Variants in IMPG2 observed in about 807,000 individuals in gnomAD.
IMPG2 encodes the protein IPM 200.
A neutral mutation model predicts 129.2 loss-of-function variants in IMPG2; 91 were observed. That is an observed-to-expected ratio of 0.70 (90% CI 0.59 to 0.84). The LOEUF is 0.84. Ranked by LOEUF, IMPG2 falls within the 40% of genes least tolerant of loss-of-function variation. The pLI is 0.00. For synonymous variants in IMPG2, 510 were observed against 517.7 expected (o/e 0.99, Z 0.20); for missense variants, 1,430 against 1,461.7 (o/e 0.98, Z 0.35).
intron 18 of IMPG2, among the ~76,000 whole-genome samples, chr3:101,227,631 T>G (rs563660363): frequency 5.9e-5 from 9 of 152,224 alleles, no homozygotes; most frequent in Non-Finnish European, 1.0e-4. Context: ...ATCTGCTGGC[T>G]GAAGATGCAG....
chr3:101,305,910 T>C (rs1707184569), intron 2 of IMPG2, among the ~76,000 whole-genome samples: 1 of 152,090 alleles, frequency 6.6e-6, no homozygotes, highest in African/African-American at 2.4e-5. Context: ...TACATCAGGA[T>C]GGAAGGGAAA....
At chr3:101,239,804 C>A (rs999394282) in intron 14 of IMPG2, among the ~76,000 whole-genome samples, 4 of 152,140 alleles carry the variant, frequency 2.6e-5, no homozygotes, top group Non-Finnish European at 5.9e-5. Flanking sequence ...TTATTCTCAG[C>A]GAACTAACAC....
rs540496106 is a variant in IMPG2, at chr3:101,242,964, A to G, written c.2803-57T>C. The stretch of plus-strand genomic sequence containing the variant: ...CAGCGTGTCACATTTTGTTCAATAC[A>G]TACCCAAACAAAACAAAACAAAAAC... On this transcript the variant is annotated intron_variant, in intron 13 of 18. Coordinates refer to ENST00000193391, the MANE Select transcript of IMPG2 (RefSeq NM_016247.4). 128 of 1,404,506 alleles carry G rather than the reference A, an allele frequency of 9.1e-5. 1 individual carries two copies. In the South Asian group the frequency reaches 1.4e-3, roughly 16 times the overall value. The allele number at this position is 1,404,506 out of a possible 1,614,324, so 87.0% of individuals were successfully genotyped here. A position where few individuals can be genotyped will look rare whatever the true frequency, so the allele number is the denominator to read the frequency against.
At chr3:101,237,828 C>T (rs1706363373) in intron 14 of IMPG2, among the ~76,000 whole-genome samples, 3 of 152,058 alleles carry the variant, frequency 2.0e-5, no homozygotes, top group African/African-American at 7.2e-5. Flanking sequence ...CAAAGAATCA[C>T]AACTCCTTGC....
intron 14 of IMPG2, among the ~76,000 whole-genome samples, chr3:101,235,043 C>T (rs1169810800): frequency 6.6e-6 from 1 of 152,158 alleles, no homozygotes. Flanking sequence ...ATACCTTATA[C>T]ACATAGACTG....
Position 101,237,804 on chromosome 3 carries a change from T to A in IMPG2, c.3023-4813A>T, listed in dbSNP as rs543953291. Among the ~76,000 whole-genome samples, 5 of 152,140 alleles carry A rather than the reference T, an allele frequency of 3.3e-5. No homozygotes were observed. The East Asian group carries it at 9.7e-4, about 30-fold the overall frequency. On this transcript the variant is annotated intron_variant, in intron 14 of 18. Transcript: ENST00000193391. ...AGGCTGAAAATTCCAAAAACGAGAA[T>A]GCCTCTTCTTCCACAAAGAATCACA...
At position 101,232,922 on chromosome 3, in the gene IMPG2, C is replaced by G; in HGVS notation, c.3092G>C (p.Ser1031Thr). The G allele has an allele frequency of 6.2e-7, 1 of 1,614,016 alleles. No homozygotes were observed. Among genetic ancestry groups the G allele is most frequent in the Non-Finnish European group, 8.5e-7 (1 of 1,180,014 alleles). ...EFSECLVNPW[S>T]GEAKCRCFPG... ...GAAGCATCTGCACTTTGCTTCTCCA[C>G]TCCAGGGGTTGACCAGACACTCTGA... Residue 1031 changes from serine to threonine, a missense_variant, in exon 15 of 19, where the codon AGT (serine) becomes ACT (threonine). Ser to Thr is a moderately conservative substitution (Grantham distance 58). Coordinates refer to ENST00000193391, the MANE Select transcript of IMPG2 (RefSeq NM_016247.4).
chr3:101,284,741 A>C (rs939523669), intron 4 of IMPG2, among the ~76,000 whole-genome samples: 2 of 152,182 alleles, frequency 1.3e-5, no homozygotes, highest in Non-Finnish European at 2.9e-5. Context: ...ATGCACTTCC[A>C]ATGCCATCTG....
Position 101,231,059 on chromosome 3 carries a change from G to A in IMPG2, c.3320C>T (p.Ala1107Val). Residue 1107 changes from alanine (A) to valine (V), a missense_variant, in exon 16 of 19, where the codon GCC (alanine) becomes GTC (valine). By Grantham distance (64) the Ala-to-Val change is moderately conservative (BLOSUM62 0). Coordinates refer to ENST00000193391, the MANE Select transcript of IMPG2 (RefSeq NM_016247.4). ...GATGACAAGAAGTCCAACCACGGAG[G>A]CAATAGTGATGCCTATGATCACGGG... is the stretch of plus-strand genomic sequence containing the variant. ...SEPVIIGITI[A>V]SVVGLLVIFS... 6.2e-7 allele frequency: 1 copy of A among 1,614,054 alleles called. No homozygotes were observed. Among genetic ancestry groups the A allele is most frequent in the South Asian group, 1.1e-5 (1 of 91,088 alleles).
At chr3:101,291,436 T>C (rs188428395) in intron 4 of IMPG2, 43 bp downstream of exon 4, 5 of 1,555,590 alleles carry the variant, frequency 3.2e-6, no homozygotes, top group Admixed American at 1.7e-5. Flanking sequence ...CTATGACACA[T>C]CTGTGTTGCC....
At chr3:101,251,311 G>A (rs1386370331) in intron 11 of IMPG2, among the ~76,000 whole-genome samples, 1 of 152,070 alleles carries the variant, frequency 6.6e-6, no homozygotes, top group Non-Finnish European at 1.5e-5. Flanking sequence ...AAAAAGTCAA[G>A]TCACTAACAG....
In IMPG2 at chr3:101,229,432, A is replaced by G. The variant is rs776198709; in HGVS notation, c.3581T>C (p.Leu1194Pro). 2.2e-5 allele frequency: 36 copies of G among 1,612,436 alleles called. No individual in the cohort carries two copies. Among genetic ancestry groups the G allele is most frequent in the Non-Finnish European group, 2.8e-5 (33 of 1,179,972 alleles). The change falls in exon 17 of 19, where the codon CTG becomes CCG. Residue 1194 changes from leucine to proline, a missense_variant. Leu to Pro is a moderately conservative substitution (Grantham distance 98, BLOSUM62 -3). Coordinates refer to ENST00000193391, the MANE Select transcript of IMPG2 (RefSeq NM_016247.4). The stretch of plus-strand genomic sequence containing the variant: ...CATCTGTCTGATTTCTTCTCTGCTC[A>G]GCCCACCAATCACGTCTCCGCTAGC... ...SSASGDVIGGLSREEIRQMYE... is the reference protein window; with the variant it reads ...SSASGDVIGGPSREEIRQMYE...
chr3:101,275,063 T>TAA (rs750282505), intron 6 of IMPG2, among the ~76,000 whole-genome samples: 12 of 141,900 alleles, frequency 8.5e-5, no homozygotes, highest in African/African-American at 3.1e-4. Context: ...AGCTCTATAT[T>TAA]AAAAAAAAAA....
chr3:101,256,448 T>TG (rs1706611352), intron 10 of IMPG2, among the ~76,000 whole-genome samples: 2 of 152,014 alleles, frequency 1.3e-5, no homozygotes, highest in Admixed American at 6.6e-5. Flanking sequence ...AAGCCCCAAC[T>TG]CAAAAAAATC....
intron 10 of IMPG2, among the ~76,000 whole-genome samples, chr3:101,256,143 A>AG (rs1706598689): frequency 6.9e-6 from 1 of 143,948 alleles, no homozygotes; most frequent in African/African-American, 2.7e-5. Context: ...AAAGAAAGAA[A>AG]GAAAAGAAAG....
intron 3 of IMPG2, among the ~76,000 whole-genome samples, chr3:101,298,728 C>A (rs1477717732): frequency 6.6e-6 from 1 of 152,318 alleles, no homozygotes. Flanking sequence ...TATTGGCCCC[C>A]ACTCTCTTCT....
chr3:101,267,645 C>A, intron 8 of IMPG2, 114 bp from the exon 9 acceptor site: 1 of 887,416 alleles, frequency 1.1e-6, no homozygotes, highest in African/African-American at 1.7e-5. Flanking sequence ...TGAAATGCTT[C>A]CTTAAATAAA....
chr3:101,280,061 C>T (rs1215737862), intron 4 of IMPG2, among the ~76,000 whole-genome samples: 1 of 152,182 alleles, frequency 6.6e-6, no homozygotes, highest in Admixed American at 6.5e-5. Flanking sequence ...TAAGTCAAAC[C>T]ACAAAGTTGA....
intron 11 of IMPG2, among the ~76,000 whole-genome samples, chr3:101,252,752 C>A (rs1391174813): frequency 6.6e-6 from 1 of 152,084 alleles, no homozygotes; most frequent in Admixed American, 6.6e-5. Flanking sequence ...GCTCTATAAC[C>A]TAGTAGAAGA....
Sources: gnomAD v4.1 joint callset for allele counts (sites outside exome capture counted in the v4.1 genomes callset) on GRCh38, gnomAD v4.1.1 for gene constraint, MANE v1.5 for transcripts, NCBI Gene and HGNC (gene_info 2026-07-23, HGNC 2026-07-21) for gene names.